Variants in GNAL observed in about 807,000 individuals in gnomAD.
The protein encoded by GNAL is guanine nucleotide-binding protein G(olf) subunit alpha.
In GNAL, 18 loss-of-function variants were observed where a neutral mutation model predicts 55.1. The ratio of observed to expected loss-of-function variants is 0.33; its 90% CI spans 0.23 to 0.48. The LOEUF (loss-of-function observed/expected upper bound fraction) is 0.48, where lower values mean the gene tolerates loss of function less well. GNAL is among the 20% of genes least tolerant of loss of function. GNAL has a pLI of 0.99. For synonymous variants in GNAL, 253 were observed against 237.0 expected (o/e 1.07, Z -0.62); for missense variants, 412 against 614.1 (o/e 0.67, Z 3.48).
intron 1 of GNAL, among the ~76,000 whole-genome samples, chr18:11,713,076 A>G (rs770187373): frequency 2.0e-5 from 3 of 152,260 alleles, no homozygotes; most frequent in Non-Finnish European, 4.4e-5. Flanking sequence ...CATGCTAAGA[A>G]CAATTTTATC....
At chr18:11,730,031 C>T (rs1481603615) in intron 1 of GNAL, among the ~76,000 whole-genome samples, 2 of 151,432 alleles carry the variant, frequency 1.3e-5, no homozygotes, top group African/African-American at 4.9e-5. Context: ...TTTTTCTTTT[C>T]TTTTCTTTTC....
chr18:11,705,091 C>T (rs1386564014), intron 1 of GNAL, among the ~76,000 whole-genome samples: 1 of 152,174 alleles, frequency 6.6e-6, no homozygotes, highest in East Asian at 1.9e-4. Flanking sequence ...AAATGTTTTA[C>T]TCCTTGAATA....
At chr18:11,867,370 C>T in intron 8 of GNAL, 144 bp downstream of exon 8, 5 of 663,806 alleles carry the variant, frequency 7.5e-6, no homozygotes, top group Non-Finnish European at 1.3e-5. Flanking sequence ...TCCTTAGATA[C>T]TAATCTCATT....
chr18:11,750,674 G>A (rs1465333465), intron 1 of GNAL, among the ~76,000 whole-genome samples: 3 of 152,112 alleles, frequency 2.0e-5, no homozygotes, highest in Non-Finnish European at 4.4e-5. Context: ...TTTTCCCTAT[G>A]GGGTGAATGT....
intron 4 of GNAL, among the ~76,000 whole-genome samples, chr18:11,783,432 C>A (rs1251068329): frequency 6.6e-6 from 1 of 152,112 alleles, no homozygotes; most frequent in Non-Finnish European, 1.5e-5. Flanking sequence ...ATTAGCTAAT[C>A]GGAAGAAAAA....
chr18:11,725,161 T>C (rs1014771090), intron 1 of GNAL, among the ~76,000 whole-genome samples: 12 of 152,284 alleles, frequency 7.9e-5, no homozygotes, highest in African/African-American at 2.6e-4. Context: ...AAATCATATA[T>C]TGAAGTCCTA....
In GNAL at chr18:11,758,258, G is replaced by C. The variant is rs188178366; in HGVS notation, c.624+4313G>C. On this transcript the variant is annotated intron_variant, in intron 4 of 11. Transcript: ENST00000334049. ...CAGATTTGGTGGCAGAGAGGTGAGG[G>C]AGGGCTTGTTAGCAAAGGCTTTTCA... 1.6e-4 allele frequency among the ~76,000 whole-genome samples: 25 copies of C among 152,286 alleles called. 1 individual carries two copies. The East Asian group carries it at 4.8e-3, about 29-fold the overall frequency.
At chr18:11,745,829 CA>C in intron 1 of GNAL, 20 of 174,248 alleles carry the variant, frequency 1.1e-4, no homozygotes, top group Non-Finnish European at 1.7e-4. Context: ...GCTACAACCA[CA>C]AAAAAAAGAT....
intron 1 of GNAL, among the ~76,000 whole-genome samples, chr18:11,693,741 C>CTTTTTTTT (rs576637274): frequency 9.0e-6 from 1 of 110,962 alleles, no homozygotes; most frequent in African/African-American, 3.3e-5. Flanking sequence ...CCAGCAGTGT[C>CTTTTTTTT]TTTTTTTTTT....
chr18:11,834,592 C>T lies in GNAL; in HGVS notation c.722+9577C>T, dbSNP rs552240427. On this transcript the variant is annotated intron_variant, in intron 5 of 11. Transcript: ENST00000334049. ...AATTAGCTAAGTGGGGTGGTGTGTA[C>T]CTGTAGTCCCAGCTACTTGGGTGGC... Among the ~76,000 whole-genome samples the T allele has an allele frequency of 8.5e-5, 13 of 152,096 alleles. No homozygotes were observed. In the South Asian group the frequency reaches 2.7e-3, roughly 32 times the overall value.
At chr18:11,731,968 T>A (rs11080533) in intron 1 of GNAL, among the ~76,000 whole-genome samples, 5,853 of 152,332 alleles carry the variant, frequency 0.038, 410 homozygotes, top group African/African-American at 0.13. Flanking sequence ...GACTAGCTTC[T>A]TTTTCTTAGC....
rs572492398 is a variant in GNAL, at chr18:11,692,622, T to TA, written c.376+2693dup. ...CCACATATTTTTCTGGAAGGAAACT[T>TA]AAAAAAAAAATAGAGACACAGCGGT... is the stretch of plus-strand genomic sequence containing the variant. On this transcript the variant is annotated intron_variant, in intron 1 of 11. Transcript: ENST00000334049. Among the ~76,000 whole-genome samples the TA allele has an allele frequency of 3.0e-3, 440 of 149,108 alleles. 2 individuals carry two copies. The highest frequency in any genetic ancestry group is 0.01 in the African/African-American group (412 of 40,690).
intron 5 of GNAL, chr18:11,851,366 CT>C: frequency 1.8e-6 from 2 of 1,089,570 alleles, no homozygotes; most frequent in African/African-American, 1.6e-5. Flanking sequence ...GCGCTGGGCT[CT>C]GACGTCACCA....
chr18:11,777,153 A>G (rs1465334924), intron 4 of GNAL, among the ~76,000 whole-genome samples: 2 of 152,178 alleles, frequency 1.3e-5, no homozygotes, highest in Non-Finnish European at 2.9e-5. Context: ...GAGATGGGAG[A>G]TGGTGGGCTT....
chr18:11,852,989 A>G (rs1262233000), intron 5 of GNAL: 4 of 167,120 alleles, frequency 2.4e-5, no homozygotes, highest in African/African-American at 7.2e-5. Flanking sequence ...GCTAATTAGC[A>G]TGGCAGTCAT....
intron 1 of GNAL, among the ~76,000 whole-genome samples, chr18:11,704,119 C>T (rs1263297729): frequency 6.6e-6 from 1 of 152,198 alleles, no homozygotes; most frequent in Non-Finnish European, 1.5e-5. Context: ...ACAAAGGAAG[C>T]AGCATTGGTG....
intron 2 of GNAL, 111 bp from the exon 3 acceptor site, chr18:11,753,517 A>G (rs2143108179): frequency 1.4e-6 from 1 of 707,436 alleles, no homozygotes; most frequent in Non-Finnish European, 2.5e-6. Flanking sequence ...ACTGACCTCT[A>G]GTGAAACCAG....
chr18:11,832,841 C>A (rs2035416021), intron 5 of GNAL, among the ~76,000 whole-genome samples: 1 of 151,402 alleles, frequency 6.6e-6, no homozygotes, highest in Non-Finnish European at 1.5e-5. Context: ...GTCTGGGTGA[C>A]AAGAGTGAAA....
chr18:11,851,402 G>A (rs2035860083), intron 5 of GNAL: 1 of 1,330,028 alleles, frequency 7.5e-7, no homozygotes, highest in Non-Finnish European at 1.0e-6. Context: ...AGTAGAAACA[G>A]GAAGTGGGAC....
Sources: gnomAD v4.1 joint callset for allele counts (sites outside exome capture counted in the v4.1 genomes callset) on GRCh38, gnomAD v4.1.1 for gene constraint, MANE v1.5 for transcripts, NCBI Gene and HGNC (gene_info 2026-07-23, HGNC 2026-07-21) for gene names.